PTPN3: variants seen among roughly 807,000 people sequenced by gnomAD.
PTPN3 encodes tyrosine-protein phosphatase non-receptor type 3.
Under a neutral mutation model 132.7 loss-of-function variants are expected in PTPN3, and 96 were observed. The ratio of observed to expected loss-of-function variants is 0.72; its 90% CI spans 0.61 to 0.86. The LOEUF is 0.86. Among genes scored for constraint, PTPN3 ranks in the 40% least tolerant of loss-of-function variants. PTPN3 has a pLI of 0.00. For missense variants in PTPN3, 1,125 were observed against 1,159.6 expected, an observed-to-expected ratio of 0.97 and a Z score of 0.43; for synonymous variants, 398 against 429.0, an observed-to-expected ratio of 0.93 and a Z score of 0.89.
At chr9:109,479,264 T>C (rs1404529749) in intron 1 of PTPN3, among the ~76,000 whole-genome samples, 2 of 152,244 alleles carry the variant, frequency 1.3e-5, no homozygotes, top group Non-Finnish European at 1.5e-5. Context: ...TCTAGATACA[T>C]CAGTGGAACC....
intron 16 of PTPN3, 80 bp downstream of exon 16, chr9:109,409,919 G>GCA: frequency 6.5e-7 from 1 of 1,546,296 alleles, no homozygotes; most frequent in Admixed American, 1.9e-5. Flanking sequence ...CAGGAATGCA[G>GCA]CACATTTGTA....
At chr9:109,435,631 TG>T (rs921599221) in intron 9 of PTPN3, among the ~76,000 whole-genome samples, 22 of 152,310 alleles carry the variant, frequency 1.4e-4, no homozygotes, top group African/African-American at 5.3e-4. Flanking sequence ...TCTGATACTG[TG>T]GGGGTCTTTG....
In PTPN3 at chr9:109,378,297, TA is replaced by T. The variant is rs1235732679; in HGVS notation, c.*1258del. On this transcript the variant is annotated 3_prime_UTR_variant, in exon 26 of 26. Transcript: ENST00000374541. ...ATTTGCTACAATCCTGTCACAAATT[TA>T]AAAAAATTTAACACGGTATTCACAA... The T allele has an allele frequency of 6.6e-6, 1 of 152,552 alleles. No individual in the cohort carries two copies. Among genetic ancestry groups the T allele is most frequent in the Non-Finnish European group, 1.5e-5 (1 of 68,030 alleles). 9.4% of individuals were successfully genotyped at this position (152,552 alleles called of 1,614,324 possible).
intron 12 of PTPN3, among the ~76,000 whole-genome samples, chr9:109,424,004 G>A (rs1471696557): frequency 6.6e-6 from 1 of 152,188 alleles, no homozygotes; most frequent in Non-Finnish European, 1.5e-5. Context: ...GCTCACAACA[G>A]CATCACTGGG....
chr9:109,433,043 C>T, intron 10 of PTPN3, 30 bp downstream of exon 10: 1 of 1,607,232 alleles, frequency 6.2e-7, no homozygotes, highest in East Asian at 2.2e-5. Context: ...AAGCATGATT[C>T]AGAAAATAAT....
chr9:109,482,209 T>C (rs868213075), intron 1 of PTPN3, among the ~76,000 whole-genome samples: 2 of 152,204 alleles, frequency 1.3e-5, no homozygotes, highest in African/African-American at 4.8e-5. Context: ...GAACCTGCTG[T>C]CAGGATATAT....
chr9:109,510,896 T>C, the PTPN3 span, among the ~76,000 whole-genome samples: 1 of 152,082 alleles, frequency 6.6e-6, no homozygotes, highest in African/African-American at 2.4e-5. Flanking sequence ...TTTTTCTAGA[T>C]AATGCTATGA....
chr9:109,497,873 A>G (rs922065641), intron 1 of PTPN3, among the ~76,000 whole-genome samples: 1 of 151,092 alleles, frequency 6.6e-6, no homozygotes, highest in Non-Finnish European at 1.5e-5. Flanking sequence ...GGTCCTCCGG[A>G]GGTGCCGGAC....
At chr9:109,484,045 AC>A (rs1224114025) in intron 1 of PTPN3, among the ~76,000 whole-genome samples, 5 of 151,648 alleles carry the variant, frequency 3.3e-5, no homozygotes, top group Admixed American at 6.6e-5. Context: ...CCTCCTCTTC[AC>A]TCTGTCGCGA....
At chr9:109,485,800 C>G (rs1256429155) in intron 1 of PTPN3, among the ~76,000 whole-genome samples, 1 of 152,166 alleles carries the variant, frequency 6.6e-6, no homozygotes, top group African/African-American at 2.4e-5. Context: ...GCAGTGTGTA[C>G]CTCTTTAAAG....
intron 1 of PTPN3, among the ~76,000 whole-genome samples, chr9:109,469,264 A>T (rs1461406208): frequency 6.6e-6 from 1 of 152,218 alleles, no homozygotes. Context: ...TGAACCATAG[A>T]CACAAAGAAG....
chr9:109,406,449 A>G lies in PTPN3; in HGVS notation c.1792+13T>C, dbSNP rs368966406. 1.9e-6 allele frequency: 3 copies of G among 1,610,724 alleles called. No homozygotes were observed. In the South Asian group the frequency reaches 3.3e-5, roughly 18 times the overall value. ...CAGCTTCCCTATGGCTCCTCCCCCC[A>G]GGTGGCCATTACCTCTCCTCCTGAT... is the stretch of plus-strand genomic sequence containing the variant. On this transcript the variant is annotated intron_variant, in intron 18 of 25. Transcript: ENST00000374541.
intron 1 of PTPN3, among the ~76,000 whole-genome samples, chr9:109,474,106 C>A (rs1206647145): frequency 6.6e-6 from 1 of 151,992 alleles, no homozygotes; most frequent in Non-Finnish European, 1.5e-5. Context: ...AACCTTTCCC[C>A]ACTGCGCGCC....
the PTPN3 span, among the ~76,000 whole-genome samples, chr9:109,510,387 T>C: frequency 3.3e-5 from 5 of 151,420 alleles, no homozygotes; most frequent in Non-Finnish European, 7.4e-5. Flanking sequence ...GGAGAAACCC[T>C]GTCTCTACTA....
At chr9:109,416,343 G>A (rs936827609) in intron 14 of PTPN3, among the ~76,000 whole-genome samples, 5 of 152,186 alleles carry the variant, frequency 3.3e-5, no homozygotes, top group African/African-American at 1.2e-4. Context: ...ATTGCTCGCA[G>A]GGCTCTCAGG....
chr9:109,510,099 G>A, the PTPN3 span, among the ~76,000 whole-genome samples: 1 of 152,108 alleles, frequency 6.6e-6, no homozygotes, highest in Non-Finnish European at 1.5e-5. Context: ...CCATTCAGGA[G>A]GGAAAATATC....
the PTPN3 span, among the ~76,000 whole-genome samples, chr9:109,509,971 T>C: frequency 6.6e-6 from 1 of 152,184 alleles, no homozygotes; most frequent in Non-Finnish European, 1.5e-5. Flanking sequence ...GGCTCTCTTT[T>C]GTACCCACAA....
chr9:109,450,706 C>T (rs979968256), intron 5 of PTPN3: 1 of 985,144 alleles, frequency 1.0e-6, no homozygotes, highest in Admixed American at 6.1e-5. Flanking sequence ...TGTGGAGGCT[C>T]ACAATGAAGA....
chr9:109,436,923 C>A lies in PTPN3; in HGVS notation c.635G>T (p.Arg212Leu). 6.2e-7 allele frequency: 1 copy of A among 1,614,052 alleles called. No homozygotes were observed. The highest frequency in any genetic ancestry group is 8.5e-7 in the Non-Finnish European group (1 of 1,179,982). Residue 212 changes from arginine (R) to leucine (L), a missense_variant, in exon 9 of 26, where the codon CGG becomes CTG. Coordinates refer to ENST00000374541, the MANE Select transcript of PTPN3 (RefSeq NM_002829.4). ...TTCTACTCCATAGAAGTCGAGGGTC[C>A]GCGCTATGTTGATATAGCAGGATTC... Reference protein sequence around the residue: ...EAESCYINIARTLDFYGVELH... With the variant: ...EAESCYINIALTLDFYGVELH...
Sources: gnomAD v4.1 joint callset for allele counts (sites outside exome capture counted in the v4.1 genomes callset) on GRCh38, gnomAD v4.1.1 for gene constraint, MANE v1.5 for transcripts, NCBI Gene and HGNC (gene_info 2026-07-23, HGNC 2026-07-21) for gene names.